EMP2: variants seen among roughly 807,000 people sequenced by gnomAD.
The protein encoded by EMP2 is epithelial membrane protein 2.
Under a neutral mutation model 13.7 loss-of-function variants are expected in EMP2, and 19 were observed. The observed-to-expected ratio is 1.38, with a 90% CI of 0.97 to 2.03. The LOEUF (loss-of-function observed/expected upper bound fraction) is 2.03, where lower values mean the gene tolerates loss of function less well. EMP2 is among the 30% of genes most tolerant of loss of function. The probability of loss-of-function intolerance (pLI) is 0.00; values close to 1 mark genes in which losing one functional copy is unlikely to be tolerated. For synonymous variants in EMP2, 97 were observed against 84.7 expected (o/e 1.15, Z -0.80); for missense variants, 253 against 220.7 (o/e 1.15, Z -0.93).
At chr16:10,575,237 C>CATTTTTTTTTTTTT (rs2050975115) in intron 1 of EMP2, among the ~76,000 whole-genome samples, 1 of 52,500 alleles carries the variant, frequency 1.9e-5, no homozygotes. Context: ...AGCTTGCATT[C>CATTTTTTTTTTTTT]TTTTTTTTTT....
intron 1 of EMP2, among the ~76,000 whole-genome samples, chr16:10,564,006 T>C (rs72781755): frequency 0.17 from 25,628 of 152,246 alleles, 2,478 homozygotes; most frequent in Non-Finnish European, 0.22. Context: ...AGTGGCAATG[T>C]ACAACAGCAG....
intron 1 of EMP2, among the ~76,000 whole-genome samples, chr16:10,573,932 T>C (rs2050964857): frequency 7.8e-6 from 1 of 128,262 alleles, no homozygotes; most frequent in African/African-American, 3.0e-5. Context: ...GGATAAACCT[T>C]TTTTTTTTTT....
At chr16:10,552,294 C>T (rs534531358) in intron 1 of EMP2, among the ~76,000 whole-genome samples, 1 of 152,078 alleles carries the variant, frequency 6.6e-6, no homozygotes, top group East Asian at 1.9e-4. Context: ...TGGGATGACA[C>T]AAATGCATAT....
chr16:10,558,194 T>C (rs1424681669), intron 1 of EMP2, among the ~76,000 whole-genome samples: 1 of 152,112 alleles, frequency 6.6e-6, no homozygotes, highest in Non-Finnish European at 1.5e-5. Context: ...CATGCCCGTC[T>C]AATTTTATTT....
chr16:10,549,139 G>A (rs2050762460), intron 1 of EMP2, among the ~76,000 whole-genome samples: 1 of 152,210 alleles, frequency 6.6e-6, no homozygotes, highest in Admixed American at 6.5e-5. Flanking sequence ...TATGATTGGG[G>A]AATTAATAAA....
At chr16:10,570,834 C>G (rs2050942040) in intron 1 of EMP2, among the ~76,000 whole-genome samples, 2 of 152,064 alleles carry the variant, frequency 1.3e-5, no homozygotes, top group African/African-American at 2.4e-5. Context: ...AGCCACCATG[C>G]CTGGCCTGGT....
chr16:10,578,775 T>C lies in EMP2; in HGVS notation c.-61+1774A>G, dbSNP rs536485765. ...TCCTACTCGACTCCCTGGCTCCCCA[T>C]GGGATGGAGGTGGTGAGATCCAAAA... On this transcript the variant is annotated intron_variant, in intron 1 of 4. Transcript: ENST00000359543. Among the ~76,000 whole-genome samples the C allele has an allele frequency of 3.9e-5, 6 of 152,354 alleles. No individual in the cohort carries two copies. The South Asian group carries it at 8.3e-4, about 21-fold the overall frequency.
rs533750553 is a variant in EMP2 at position 10,566,065 on chromosome 16, C to G, written c.-61+14484G>C. On this transcript the variant is annotated intron_variant, in intron 1 of 4. Transcript: ENST00000359543. ...CTGCCTGGATTATTTTTCTAGCATC[C>G]AGTTTCCATCTGAACATGCCCCGGG... Among the ~76,000 whole-genome samples, 10 of 152,292 alleles carry G rather than the reference C, an allele frequency of 6.6e-5. No individual in the cohort carries two copies. In the South Asian group the frequency reaches 1.7e-3, roughly 25 times the overall value.
chr16:10,562,372 CTCTCTCTCTA>C lies in EMP2; in HGVS notation c.-60-14705_-60-14696del, dbSNP rs1168816401. Reference sequence around the variant, plus strand: ...TCTCTCTCTCTCTCTCTCTCTCTCTCTCTCTCTCTATCTATCTCTCTCTCTCTATCTCTAT... The same window carrying C: ...TCTCTCTCTCTCTCTCTCTCTCTCTCTCTATCTCTCTCTCTCTATCTCTAT... On this transcript the variant is annotated intron_variant, in intron 1 of 4. Coordinates refer to ENST00000359543, the MANE Select transcript of EMP2 (RefSeq NM_001424.6). Among the ~76,000 whole-genome samples, 224 of 132,652 alleles carry C rather than the reference CTCTCTCTCTA, an allele frequency of 1.7e-3. 3 individuals are homozygous for C. Among genetic ancestry groups the C allele is most frequent in the African/African-American group, 5.2e-3 (191 of 36,868 alleles). The allele number at this position is 132,652 out of a possible 152,430, so 87.0% of individuals were successfully genotyped here. A position where few individuals can be genotyped will look rare whatever the true frequency, so the allele number is the denominator to read the frequency against.
Position 10,530,292 on chromosome 16 carries a change from T to C in EMP2, c.*2613A>G, listed in dbSNP as rs191537951. 9.2e-5 allele frequency: 14 copies of C among 152,224 alleles called. No individual in the cohort carries two copies. In the East Asian group the frequency reaches 2.3e-3, roughly 25 times the overall value. 9.4% of individuals were successfully genotyped at this position (152,224 alleles called of 1,614,324 possible). A position where few individuals can be genotyped will look rare whatever the true frequency, so the allele number is the denominator to read the frequency against. On this transcript the variant is annotated 3_prime_UTR_variant, in exon 5 of 5. Coordinates refer to ENST00000359543, the MANE Select transcript of EMP2 (RefSeq NM_001424.6). ...CACAGTGCCTGGAACATGGTAAACA[T>C]TTAATACTATCTGTCAAAAACAAAT... is the stretch of plus-strand genomic sequence containing the variant.
intron 1 of EMP2, among the ~76,000 whole-genome samples, chr16:10,573,403 G>A (rs2050961077): frequency 1.3e-5 from 2 of 152,160 alleles, no homozygotes; most frequent in South Asian, 4.1e-4. Context: ...TATGTTCATT[G>A]GCATCTGCAA....
rs565034030 is a variant in EMP2 at position 10,580,467 on chromosome 16, G to A, written c.-61+82C>T. 1.3e-5 allele frequency: 2 copies of A among 152,448 alleles called. No individual in the cohort carries two copies. Among genetic ancestry groups the A allele is most frequent in the African/African-American group, 4.8e-5 (2 of 41,586 alleles). 9.4% of individuals were successfully genotyped at this position (152,448 alleles called of 1,614,324 possible). On this transcript the variant is annotated intron_variant, in intron 1 of 4. Coordinates refer to ENST00000359543, the MANE Select transcript of EMP2 (RefSeq NM_001424.6). The surrounding 1 kb of genome is among the most constrained non-coding windows in gnomAD (Gnocchi z 4.3). ...TGCTCCCGGTCCAGTAAGTGGAGGG[G>A]TCGCGTCCCTGCTGCCCGGGCGTAC...
intron 1 of EMP2, among the ~76,000 whole-genome samples, chr16:10,563,377 A>C (rs1227382119): frequency 6.6e-6 from 1 of 152,162 alleles, no homozygotes; most frequent in Non-Finnish European, 1.5e-5. Context: ...TTTTCAGTAG[A>C]GATGGGGTTT....
At chr16:10,540,267 A>G (rs903532678) in intron 3 of EMP2, among the ~76,000 whole-genome samples, 1 of 152,152 alleles carries the variant, frequency 6.6e-6, no homozygotes, top group Non-Finnish European at 1.5e-5. Context: ...GCACTATGGG[A>G]GGCAGAGGCA....
At chr16:10,558,297 G>C (rs954666314) in intron 1 of EMP2, among the ~76,000 whole-genome samples, 13 of 152,140 alleles carry the variant, frequency 8.5e-5, no homozygotes, top group African/African-American at 3.1e-4. Context: ...AAAGTGCTGG[G>C]ATCACAGGCA....
intron 2 of EMP2, chr16:10,545,384 A>G (rs2050731840): frequency 6.6e-6 from 1 of 152,238 alleles, no homozygotes; most frequent in Admixed American, 6.5e-5. Context: ...GCCTGTTAGG[A>G]ACCAGGCCAC....
chr16:10,543,090 T>C (rs931912997), intron 3 of EMP2, among the ~76,000 whole-genome samples: 1 of 152,088 alleles, frequency 6.6e-6, no homozygotes, highest in African/African-American at 2.4e-5. Context: ...AAGTGATCCA[T>C]CCGCCTCTGC....
At chr16:10,557,002 C>T (rs144982834) in intron 1 of EMP2, among the ~76,000 whole-genome samples, 2 of 152,278 alleles carry the variant, frequency 1.3e-5, no homozygotes, top group Non-Finnish European at 2.9e-5. Context: ...CCTCTCTCTG[C>T]ACTGGCCCAT....
chr16:10,533,220 T>A, intron 4 of EMP2, 128 bp from the exon 5 acceptor site: 2 of 990,564 alleles, frequency 2.0e-6, no homozygotes, highest in Non-Finnish European at 2.7e-6. Context: ...TATTTTGTTG[T>A]AGAGACAAGA....
Sources: gnomAD v4.1 joint callset for allele counts (sites outside exome capture counted in the v4.1 genomes callset) on GRCh38, gnomAD v4.1.1 for gene constraint, Gnocchi (gnomAD v3.1) non-coding constraint, MANE v1.5 for transcripts, NCBI Gene and HGNC (gene_info 2026-07-23, HGNC 2026-07-21) for gene names.